PSD3: variants seen among roughly 807,000 people sequenced by gnomAD.
PSD3 encodes the protein pleckstrin and Sec7 domain containing 3.
In PSD3, 49 loss-of-function variants were observed where a neutral mutation model predicts 105.5. The ratio of observed to expected loss-of-function variants is 0.46; its 90% confidence interval spans 0.37 to 0.59. The LOEUF is 0.59. Among genes scored for constraint, PSD3 ranks in the 20% least tolerant of loss-of-function variants. The pLI is 0.00. For synonymous variants in PSD3, 557 were observed against 457.8 expected, an observed-to-expected ratio of 1.22 and a Z score of -2.77; for missense variants, 1,561 against 1,263.8, an observed-to-expected ratio of 1.24 and a Z score of -3.57.
intron 9 of PSD3, among the ~76,000 whole-genome samples, chr8:18,670,860 C>T (rs1282056864): frequency 3.3e-5 from 5 of 152,134 alleles, no homozygotes; most frequent in African/African-American, 1.2e-4. Flanking sequence ...GACACAGCAA[C>T]TCGGGGAGCA....
intron 1 of PSD3, among the ~76,000 whole-genome samples, chr8:18,944,758 G>C (rs1160184222): frequency 6.6e-6 from 1 of 152,120 alleles, no homozygotes; most frequent in Non-Finnish European, 1.5e-5. Flanking sequence ...AGAACAGGCT[G>C]AATTTATTGC....
At chr8:18,902,107 G>A (rs531800899) in intron 2 of PSD3, among the ~76,000 whole-genome samples, 2 of 152,226 alleles carry the variant, frequency 1.3e-5, no homozygotes, top group South Asian at 4.1e-4. Flanking sequence ...CCCAAACTTG[G>A]GAAGTTTTCA....
chr8:18,752,567 ATATAT>A (rs1563225504), intron 9 of PSD3, among the ~76,000 whole-genome samples: 862 of 78,708 alleles, frequency 0.011, 53 homozygotes, highest in African/African-American at 0.064. Context: ...TATATATATT[ATATAT>A]ATAATTATAT....
intron 1 of PSD3, among the ~76,000 whole-genome samples, chr8:19,065,648 G>C (rs1252153142): frequency 7.2e-5 from 11 of 152,216 alleles, no homozygotes; most frequent in Non-Finnish European, 7.3e-5. Flanking sequence ...CGCAGGGCAA[G>C]GCACGTGGTA....
At position 18,913,086 on chromosome 8, in the gene PSD3, A is replaced by AACACACAC. The variant is rs72253853; in HGVS notation, c.130+22940_130+22947dup. On this transcript the variant is annotated intron_variant, in intron 2 of 15. Coordinates refer to ENST00000327040, the MANE Select transcript of PSD3 (RefSeq NM_015310.4). ...CTTTATAAACACACACACACACACA[A>AACACACAC]ACACACACACACACACACACACACA... Among the ~76,000 whole-genome samples the AACACACAC allele has an allele frequency of 8.1e-3, 1,052 of 130,514 alleles. 10 individuals carry two copies. The highest frequency in any genetic ancestry group is 0.062 in the East Asian group (271 of 4,378). The allele number at this position is 130,514 out of a possible 152,430, so 85.6% of individuals were successfully genotyped here.
intron 2 of PSD3, among the ~76,000 whole-genome samples, chr8:18,892,435 G>A (rs1006240010): frequency 2.0e-5 from 3 of 151,858 alleles, no homozygotes; most frequent in Non-Finnish European, 4.4e-5. Flanking sequence ...ATGTTAGCCA[G>A]GATGGTCTCG....
intron 4 of PSD3, among the ~76,000 whole-genome samples, chr8:18,841,646 A>G (rs913424699): frequency 7.9e-5 from 12 of 152,288 alleles, no homozygotes; most frequent in Non-Finnish European, 1.3e-4. Flanking sequence ...AGTATCAACC[A>G]GTCATGCCTA....
At chr8:18,888,411 C>A (rs1372770418) in intron 2 of PSD3, among the ~76,000 whole-genome samples, 2 of 151,922 alleles carry the variant, frequency 1.3e-5, no homozygotes, top group Non-Finnish European at 2.9e-5. Flanking sequence ...GGCTATTAAT[C>A]TGGATTCCGT....
At position 18,531,767 on chromosome 8, in the gene PSD3, A is replaced by C. The variant is rs117078580; in HGVS notation, c.*3976T>G. 1.3e-5 allele frequency: 2 copies of C among 152,218 alleles called. No homozygotes were observed. The highest frequency in any genetic ancestry group is 4.8e-5 in the African/African-American group (2 of 41,444). 9.4% of individuals were successfully genotyped at this position (152,218 alleles called of 1,614,324 possible). ...CATAAACTAGACTTCAGGTTTAACAACTCTTAGGATGCCACTTTGGTTCTT... is the reference window on the plus strand; with the variant it reads ...CATAAACTAGACTTCAGGTTTAACACCTCTTAGGATGCCACTTTGGTTCTT... On this transcript the variant is annotated 3_prime_UTR_variant, in exon 16 of 16. Coordinates refer to ENST00000327040, the MANE Select transcript of PSD3 (RefSeq NM_015310.4).
intron 9 of PSD3, among the ~76,000 whole-genome samples, chr8:18,695,357 T>C (rs947351867): frequency 2.6e-5 from 4 of 152,182 alleles, no homozygotes; most frequent in Non-Finnish European, 4.4e-5. Flanking sequence ...AGTAAAAAGA[T>C]AACAGCATCT....
chr8:18,731,947 T>C (rs1001891197), intron 9 of PSD3, among the ~76,000 whole-genome samples: 4 of 152,152 alleles, frequency 2.6e-5, no homozygotes, highest in Admixed American at 6.5e-5. Flanking sequence ...GAGAGGTCAC[T>C]ATGGTTTAAT....
intron 10 of PSD3, among the ~76,000 whole-genome samples, chr8:18,634,142 G>C (rs1807090339): frequency 1.3e-5 from 2 of 151,822 alleles, no homozygotes; most frequent in Admixed American, 1.3e-4. Flanking sequence ...GAATTGTTTA[G>C]GTTCCTTATA....
chr8:18,991,708 G>GC (rs1386073737), intron 1 of PSD3, among the ~76,000 whole-genome samples: 4 of 152,136 alleles, frequency 2.6e-5, no homozygotes, highest in Non-Finnish European at 4.4e-5. Flanking sequence ...TTAGACAAAG[G>GC]CATTAAAGAC....
intron 2 of PSD3, among the ~76,000 whole-genome samples, chr8:18,927,426 T>C (rs1821444566): frequency 6.6e-6 from 1 of 152,076 alleles, no homozygotes; most frequent in African/African-American, 2.4e-5. Flanking sequence ...GTTGGTCAAG[T>C]TGGTCTCGAG....
At chr8:18,572,760 G>T in intron 13 of PSD3, 88 bp from the exon 14 acceptor site, 3 of 1,428,682 alleles carry the variant, frequency 2.1e-6, no homozygotes, top group Admixed American at 3.8e-5. Context: ...GATTTGCAAT[G>T]GCATGTGAAA....
At chr8:18,981,419 T>A (rs971048528) in intron 1 of PSD3, among the ~76,000 whole-genome samples, 1 of 152,210 alleles carries the variant, frequency 6.6e-6, no homozygotes, top group Non-Finnish European at 1.5e-5. Flanking sequence ...CACTTACTAG[T>A]GGGTGACCTT....
At chr8:18,730,598 G>A (rs1803673499) in intron 9 of PSD3, among the ~76,000 whole-genome samples, 1 of 152,120 alleles carries the variant, frequency 6.6e-6, no homozygotes, top group African/African-American at 2.4e-5. Flanking sequence ...CACTCAAAAA[G>A]TATTTATTGA....
At chr8:18,607,980 G>C (rs752168416) in intron 11 of PSD3, among the ~76,000 whole-genome samples, 4 of 152,204 alleles carry the variant, frequency 2.6e-5, no homozygotes, top group Non-Finnish European at 5.9e-5. Flanking sequence ...AGAACAGCAT[G>C]AGAGTAATGG....
At chr8:19,069,990 G>C (rs1829199092) in intron 1 of PSD3, among the ~76,000 whole-genome samples, 1 of 150,168 alleles carries the variant, frequency 6.7e-6, no homozygotes, top group Non-Finnish European at 1.5e-5. Context: ...CTGTCACCAG[G>C]CTGGCGTGCA....
Sources: gnomAD v4.1 joint callset for allele counts (sites outside exome capture counted in the v4.1 genomes callset) on GRCh38, gnomAD v4.1.1 for gene constraint, MANE v1.5 for transcripts, NCBI Gene and HGNC (gene_info 2026-07-23, HGNC 2026-07-21) for gene names.